Variants in ZBTB49 observed in about 807,000 individuals in gnomAD.
ZBTB49 encodes the protein zinc finger and BTB domain-containing protein 49.
Under a neutral mutation model 57.5 loss-of-function variants are expected in ZBTB49, and 43 were observed. The ratio of observed to expected loss-of-function variants is 0.75; its 90% CI spans 0.59 to 0.97. ZBTB49 has a LOEUF of 0.97. Among genes scored for constraint, ZBTB49 ranks in the 50% least tolerant of loss-of-function variants. The pLI is 0.00. For missense variants in ZBTB49, 938 were observed against 947.7 expected, an observed-to-expected ratio of 0.99 and a Z score of 0.13; for synonymous variants, 369 against 362.1, an observed-to-expected ratio of 1.02 and a Z score of -0.22.
chr4:4,298,893 G>A (rs1395893625), intron 1 of ZBTB49, among the ~76,000 whole-genome samples: 4 of 152,174 alleles, frequency 2.6e-5, no homozygotes, highest in Non-Finnish European at 4.4e-5. Context: ...TTGTTTAGTC[G>A]TGCATCAGGC....
At chr4:4,290,509 G>A (rs992589189) in intron 1 of ZBTB49, among the ~76,000 whole-genome samples, 157 bp downstream of exon 1, 1 of 152,222 alleles carries the variant, frequency 6.6e-6, no homozygotes, top group East Asian at 1.9e-4. Context: ...GGGGTTGGCG[G>A]CTCCTGCGAG....
intron 7 of ZBTB49, among the ~76,000 whole-genome samples, chr4:4,316,712 C>T (rs1721208912): frequency 6.6e-6 from 1 of 152,200 alleles, no homozygotes; most frequent in South Asian, 2.1e-4. Context: ...GAGGCACATT[C>T]TAATTGTAAT....
At chr4:4,308,932 G>C (rs1012970698) in intron 4 of ZBTB49, among the ~76,000 whole-genome samples, 14 of 152,326 alleles carry the variant, frequency 9.2e-5, no homozygotes, top group African/African-American at 3.4e-4. Context: ...AGACAAGCAG[G>C]CACTGGGCAA....
At chr4:4,308,558 GT>G (rs1339381782) in intron 4 of ZBTB49, among the ~76,000 whole-genome samples, 5 of 152,170 alleles carry the variant, frequency 3.3e-5, no homozygotes, top group Non-Finnish European at 5.9e-5. Context: ...TGATTGTAGA[GT>G]CATACATAGT....
rs1307114034 is a variant in ZBTB49 at position 4,293,946 on chromosome 4, A to T, written c.-20+3594A>T. 2.6e-5 allele frequency among the ~76,000 whole-genome samples: 4 copies of T among 152,270 alleles called. No homozygotes were observed. In the East Asian group the frequency reaches 7.7e-4, roughly 29 times the overall value. On this transcript the variant is annotated intron_variant, in intron 1 of 7. Transcript: ENST00000337872. ...GCCTGTGCAGGAGGGAAGGAGACCT[A>T]GACTCCACTACCCCATGGGAGAATC...
chr4:4,292,550 T>G (rs1468034573), intron 1 of ZBTB49, among the ~76,000 whole-genome samples: 1 of 152,226 alleles, frequency 6.6e-6, no homozygotes, highest in African/African-American at 2.4e-5. Context: ...CAGTATCTGT[T>G]TAACCCAATT....
chr4:4,320,630 C>G lies in ZBTB49; in HGVS notation c.1622-10C>G, dbSNP rs778989129. 2 of 1,612,846 alleles carry G rather than the reference C, an allele frequency of 1.2e-6. No individual in the cohort carries two copies. Among genetic ancestry groups the G allele is most frequent in the South Asian group, 2.2e-5 (2 of 90,900 alleles). ...TTTAAGTAAATAAATAACTGTTTTT[C>G]TTTTTCCAGGGAAATGTTTTGGGGG... On this transcript the variant is annotated splice_polypyrimidine_tract_variant and intron_variant, in intron 7 of 7. Transcript: ENST00000337872.
In ZBTB49 at chr4:4,321,383, G is replaced by T; in HGVS notation, c.*67G>T. On this transcript the variant is annotated 3_prime_UTR_variant, in exon 8 of 8. Transcript: ENST00000337872. ...GCAGGCTGGTGTTAAGGCTGTAGGA[G>T]GACCCAGTTTCCCCATGACAGTGCC... 6.5e-7 allele frequency: 1 copy of T among 1,530,482 alleles called. No homozygotes were observed. The highest frequency in any genetic ancestry group is 8.8e-7 in the Non-Finnish European group (1 of 1,130,634). The allele number at this position is 1,530,482 out of a possible 1,614,324, so 94.8% of individuals were successfully genotyped here.
chr4:4,316,896 A>C (rs1217092754), intron 7 of ZBTB49, among the ~76,000 whole-genome samples: 2 of 152,198 alleles, frequency 1.3e-5, no homozygotes, highest in East Asian at 1.9e-4. Flanking sequence ...GTAGGAGCCT[A>C]CTGTGGTGGC....
chr4:4,295,294 G>C (rs1427117101), intron 1 of ZBTB49, among the ~76,000 whole-genome samples: 1 of 152,158 alleles, frequency 6.6e-6, no homozygotes, highest in East Asian at 1.9e-4. Flanking sequence ...GCAGGGGAGA[G>C]AGAACCGGGT....
intron 3 of ZBTB49, among the ~76,000 whole-genome samples, chr4:4,303,356 C>T (rs1180863025): frequency 1.3e-5 from 2 of 152,276 alleles, no homozygotes; most frequent in East Asian, 3.9e-4. Flanking sequence ...TATGACAAGC[C>T]ATCTGTCTCT....
intron 1 of ZBTB49, among the ~76,000 whole-genome samples, chr4:4,293,137 A>T (rs1350803128): frequency 6.6e-6 from 1 of 152,218 alleles, no homozygotes. Flanking sequence ...AGAAATATGT[A>T]TTGAGTGCCT....
intron 5 of ZBTB49, among the ~76,000 whole-genome samples, chr4:4,314,817 A>G (rs990336972): frequency 6.6e-6 from 1 of 152,230 alleles, no homozygotes; most frequent in Non-Finnish European, 1.5e-5. Context: ...CAAGTTAGTA[A>G]CCGCCTCTGA....
Position 4,303,153 on chromosome 4 carries a change from T to G in ZBTB49, c.1255+62T>G, listed in dbSNP as rs973978325. On this transcript the variant is annotated intron_variant, in intron 3 of 7. Transcript: ENST00000337872. Reference sequence around the variant, plus strand: ...CGTAATGCGGATGCTCAGACACCACTGGCTCTTCTTGTTTTTGTAAGAAGT... The same window carrying G: ...CGTAATGCGGATGCTCAGACACCACGGGCTCTTCTTGTTTTTGTAAGAAGT... The G allele has an allele frequency of 2.8e-6, 4 of 1,453,788 alleles. No homozygotes were observed. The African/African-American group carries it at 5.7e-5, about 21-fold the overall frequency. 90.1% of individuals were successfully genotyped at this position (1,453,788 alleles called of 1,614,324 possible).
chr4:4,308,444 C>T (rs184937496), intron 4 of ZBTB49, among the ~76,000 whole-genome samples: 2 of 152,318 alleles, frequency 1.3e-5, no homozygotes, highest in African/African-American at 4.8e-5. Context: ...ACCACTATAG[C>T]TCTTGACCTG....
At chr4:4,306,694 C>T (rs1406814764) in intron 4 of ZBTB49, among the ~76,000 whole-genome samples, 1 of 152,194 alleles carries the variant, frequency 6.6e-6, no homozygotes, top group Non-Finnish European at 1.5e-5. Flanking sequence ...TTGTTTTACC[C>T]TCCCATGGGC....
At chr4:4,300,820 C>T (rs1168798956) in intron 2 of ZBTB49, among the ~76,000 whole-genome samples, 1 of 151,384 alleles carries the variant, frequency 6.6e-6, no homozygotes, top group Non-Finnish European at 1.5e-5. Context: ...AGTGATTCTG[C>T]ATAAGTTCAT....
chr4:4,292,316 C>A (rs899945423), intron 1 of ZBTB49, among the ~76,000 whole-genome samples: 3 of 152,094 alleles, frequency 2.0e-5, no homozygotes, highest in African/African-American at 7.2e-5. Context: ...TACAGTGCAA[C>A]GATACTTGTT....
intron 1 of ZBTB49, among the ~76,000 whole-genome samples, chr4:4,292,763 G>A (rs1433642310): frequency 2.0e-5 from 3 of 152,166 alleles, no homozygotes; most frequent in Non-Finnish European, 4.4e-5. Context: ...CCTTGGAGAA[G>A]TAATCTATTA....
Sources: allele counts gnomAD v4.1 joint callset (sites outside exome capture counted in the v4.1 genomes callset), GRCh38; gene constraint gnomAD v4.1.1; transcripts MANE v1.5; gene names NCBI Gene and HGNC (gene_info 2026-07-23, HGNC 2026-07-21).